The following PIWIL2 variants were observed in gnomAD, a reference collection of about 807,000 sequenced individuals.
PIWIL2 encodes piwi like RNA-mediated gene silencing 2.
PIWIL2 carries 81 observed loss-of-function variants against 116.5 expected under a neutral mutation model. The observed-to-expected ratio is 0.70, with a 90% confidence interval of 0.58 to 0.84. The LOEUF is 0.84. Ranked by LOEUF, PIWIL2 falls within the 40% of genes least tolerant of loss-of-function variation. PIWIL2 has a pLI of 0.00. For synonymous variants in PIWIL2, 489 were observed against 429.5 expected (o/e 1.14, Z -1.71); for missense variants, 1,272 against 1,212.3 (o/e 1.05, Z -0.73).
At position 22,356,601 on chromosome 8, in the gene PIWIL2, T is replaced by C. The variant is rs902684338; in HGVS notation, c.*1096T>C. ...AAGTTCAAGTTGGGGTGGGAGTTTT[T>C]AGTGAACTTTTCTCCCAGGTGTGTG... On this transcript the variant is annotated 3_prime_UTR_variant, in exon 23 of 23. Coordinates refer to ENST00000356766, the MANE Select transcript of PIWIL2 (RefSeq NM_018068.5). The C allele has an allele frequency of 6.6e-6, 1 of 152,208 alleles. No homozygotes were observed. The highest frequency in any genetic ancestry group is 1.5e-5 in the Non-Finnish European group (1 of 68,034). 9.4% of individuals were successfully genotyped at this position (152,208 alleles called of 1,614,324 possible). A position where few individuals can be genotyped will look rare whatever the true frequency, so the allele number is the denominator to read the frequency against.
rs1405553019 is a variant in PIWIL2 at position 22,356,967 on chromosome 8, T to G, written c.*1462T>G. On this transcript the variant is annotated 3_prime_UTR_variant, in exon 23 of 23. Coordinates refer to ENST00000356766, the MANE Select transcript of PIWIL2 (RefSeq NM_018068.5). ...CGGTCTTATTTAAGCTTTTCTAATT[T>G]GTATTTATGTACTTATTTATTTTTT... The G allele has an allele frequency of 2.0e-5, 3 of 152,204 alleles. No individual in the cohort carries two copies. The highest frequency in any genetic ancestry group is 4.4e-5 in the Non-Finnish European group (3 of 68,028). The allele number at this position is 152,204 out of a possible 1,614,324, so 9.4% of individuals were successfully genotyped here.
At chr8:22,326,229 A>G (rs968226998) in intron 20 of PIWIL2, among the ~76,000 whole-genome samples, 1 of 151,214 alleles carries the variant, frequency 6.6e-6, no homozygotes. Context: ...AAAAAAATTG[A>G]GGTGAAATAG....
In PIWIL2 at chr8:22,316,260, A is replaced by C; in HGVS notation, c.2224A>C (p.Ile742Leu). 6.2e-7 allele frequency: 1 copy of C among 1,611,964 alleles called. No homozygotes were observed. Among genetic ancestry groups the C allele is most frequent in the Non-Finnish European group, 8.5e-7 (1 of 1,178,150 alleles). Residue 742 changes from isoleucine (I) to leucine (L), a missense_variant, in exon 19 of 23, where the codon ATC becomes CTC. Ile to Leu is a conservative substitution (Grantham distance 5). Coordinates refer to ENST00000356766, the MANE Select transcript of PIWIL2 (RefSeq NM_018068.5). The stretch of plus-strand genomic sequence containing the variant: ...TCTAAACTAGAAACAGTTAATGGTG[A>C]TCGGGATGGATGTTTACCATGACCC... ...VDIPLKQLMV[I>L]GMDVYHDPSR...
intron 20 of PIWIL2, among the ~76,000 whole-genome samples, chr8:22,339,897 G>A (rs1021713772): frequency 2.0e-5 from 3 of 151,958 alleles, no homozygotes; most frequent in African/African-American, 7.3e-5. Context: ...TAGGGAATTG[G>A]GAATCAAAGC....
At chr8:22,350,726 A>G (rs1832333947) in intron 20 of PIWIL2, among the ~76,000 whole-genome samples, 1 of 151,678 alleles carries the variant, frequency 6.6e-6, no homozygotes, top group Admixed American at 6.6e-5. Context: ...TCTGGGCCAG[A>G]AGTGGTGGCT....
chr8:22,281,420 C>T lies in PIWIL2; in HGVS notation c.330C>T (p.Arg110=). 1 of 1,607,222 alleles carries T rather than the reference C, an allele frequency of 6.2e-7. No homozygotes were observed. The highest frequency in any genetic ancestry group is 8.5e-7 in the Non-Finnish European group (1 of 1,178,546). ...LGRGLSANLV[R]KDREELSPTF... is the part of the protein sequence containing the mutation. The stretch of plus-strand genomic sequence containing the variant: ...GAGGCTTGTCTGCTAATCTGGTACG[C>T]AAGGACAGGGAGGAACTCTCTCCCA... The change falls in exon 4 of 23, where the codon CGC becomes CGT. Residue 110 remains arginine, a synonymous_variant. Transcript: ENST00000356766.
rs765211567 is a variant in PIWIL2, at chr8:22,308,069, A to C, written c.1682A>C (p.His561Pro). Residue 561 changes from histidine to proline, a missense_variant, in exon 14 of 23, where the codon CAT becomes CCT. Physicochemically the swap from His to Pro is moderately conservative, Grantham distance 77. Transcript: ENST00000356766. ...GGGCTCCGTCTGCAAAAGGATGTAC[A>C]TAAGGTAAACCAAAAAACGTGATGG... ...RWGLRLQKDV[H>P]KIEGRVLPME... 3.1e-6 allele frequency: 5 copies of C among 1,613,042 alleles called. No homozygotes were observed. Among genetic ancestry groups the C allele is most frequent in the Non-Finnish European group, 4.2e-6 (5 of 1,179,220 alleles).
intron 16 of PIWIL2, among the ~76,000 whole-genome samples, chr8:22,312,709 T>C (rs549899086): frequency 6.6e-6 from 1 of 152,290 alleles, no homozygotes; most frequent in Admixed American, 6.5e-5. Context: ...GGCATGATCA[T>C]AGCTGACTGT....
At chr8:22,315,265 C>A in intron 18 of PIWIL2, 120 bp downstream of exon 18, 1 of 640,380 alleles carries the variant, frequency 1.6e-6, no homozygotes, top group South Asian at 2.1e-5. Context: ...CTAAATGGCT[C>A]CCTGCCTCTT....
chr8:22,303,435 A>G (rs766452970), intron 10 of PIWIL2, among the ~76,000 whole-genome samples: 51 of 152,240 alleles, frequency 3.3e-4, no homozygotes, highest in Non-Finnish European at 1.2e-4. Context: ...TTTGTCACCC[A>G]GGATGGAGTG....
At chr8:22,317,649 T>A (rs144826717) in intron 19 of PIWIL2, among the ~76,000 whole-genome samples, 1,796 of 151,748 alleles carry the variant, frequency 0.012, 46 homozygotes, top group African/African-American at 0.037. Context: ...TTTTTAAATT[T>A]TTTATTTATT....
chr8:22,327,539 G>C (rs1831754543), intron 20 of PIWIL2, among the ~76,000 whole-genome samples: 1 of 147,340 alleles, frequency 6.8e-6, no homozygotes, highest in African/African-American at 2.5e-5. Flanking sequence ...AGCTAATTTT[G>C]TATTTTTAGT....
At position 22,332,565 on chromosome 8, in the gene PIWIL2, A is replaced by AAT. The variant is rs202195937; in HGVS notation, c.2403+14300_2403+14301dup. Among the ~76,000 whole-genome samples, 567 of 152,094 alleles carry AAT rather than the reference A, an allele frequency of 3.7e-3. 2 individuals carry two copies. The highest frequency in any genetic ancestry group is 5.4e-3 in the Admixed American group (83 of 15,262). The stretch of plus-strand genomic sequence containing the variant: ...TATAACACTGTTGAGGGTAAAGATA[A>AAT]ATATATATATAGTAAGAACAGTCAA... On this transcript the variant is annotated intron_variant, in intron 20 of 22. Transcript: ENST00000356766.
chr8:22,340,784 G>A (rs938780348), intron 20 of PIWIL2, among the ~76,000 whole-genome samples: 9 of 151,946 alleles, frequency 5.9e-5, no homozygotes, highest in East Asian at 5.8e-4. Context: ...GCAGTGGCAC[G>A]ATCGTAGCTC....
intron 10 of PIWIL2, among the ~76,000 whole-genome samples, chr8:22,291,183 C>G (rs189066513): frequency 1.1e-3 from 167 of 150,256 alleles, no homozygotes; most frequent in Non-Finnish European, 2.1e-3. Context: ...GAGAGTCTCT[C>G]TCTGTTGCTT....
intron 16 of PIWIL2, among the ~76,000 whole-genome samples, chr8:22,313,762 A>G (rs796271214): frequency 6.6e-6 from 1 of 152,232 alleles, no homozygotes; most frequent in Non-Finnish European, 1.5e-5. Context: ...GCAGTGAGGA[A>G]TAGATGATAC....
Position 22,287,622 on chromosome 8 carries a change from T to C in PIWIL2, c.838T>C (p.Tyr280His). 3 of 1,607,738 alleles carry C rather than the reference T, an allele frequency of 1.9e-6. No individual in the cohort carries two copies. The highest frequency in any genetic ancestry group is 2.2e-5 in the South Asian group (2 of 90,968). Reference protein sequence around the residue: ...NVTAFDGSILYLPVKLQQVLE... With the variant: ...NVTAFDGSILHLPVKLQQVLE... ...CACTGCGTTTGATGGATCTATTCTC[T>C]ATCTGCCTGTTAAGCTTCAACAAGT... The change falls in exon 7 of 23, where the codon TAT (tyrosine) becomes CAT (histidine). Residue 280 changes from tyrosine to histidine, a missense_variant. Physicochemically the swap from Tyr to His is moderately conservative, Grantham distance 83. Coordinates refer to ENST00000356766, the MANE Select transcript of PIWIL2 (RefSeq NM_018068.5).
chr8:22,337,542 A>T (rs1305446139), intron 20 of PIWIL2, among the ~76,000 whole-genome samples: 1 of 151,398 alleles, frequency 6.6e-6, no homozygotes, highest in African/African-American at 2.4e-5. Flanking sequence ...AGCCTGACTA[A>T]CATGGTGAAA....
At chr8:22,334,114 C>T (rs1238996362) in intron 20 of PIWIL2, among the ~76,000 whole-genome samples, 4 of 151,644 alleles carry the variant, frequency 2.6e-5, no homozygotes, top group Non-Finnish European at 5.9e-5. Context: ...GCTTGGATTA[C>T]AGGCACCCAC....
Sources: allele counts gnomAD v4.1 joint callset (sites outside exome capture counted in the v4.1 genomes callset), GRCh38; gene constraint gnomAD v4.1.1; transcripts MANE v1.5; gene names NCBI Gene and HGNC (gene_info 2026-07-23, HGNC 2026-07-21).